BICDL1: variants seen among roughly 807,000 people sequenced by gnomAD.
BICDL1 encodes the protein BICD family-like cargo adapter 1.
A neutral mutation model predicts 76.8 loss-of-function variants in BICDL1; 20 were observed. The observed-to-expected ratio is 0.26, with a 90% CI of 0.18 to 0.38. The LOEUF is 0.38. Ranked by LOEUF, BICDL1 falls within the 10% of genes least tolerant of loss-of-function variation. BICDL1 has a pLI of 1.00. For missense variants in BICDL1, 700 were observed against 798.6 expected, an observed-to-expected ratio of 0.88 and a Z score of 1.49; for synonymous variants, 383 against 337.1, an observed-to-expected ratio of 1.14 and a Z score of -1.49.
chr12:120,082,260 CT>C (rs148148001), intron 8 of BICDL1, among the ~76,000 whole-genome samples: 1 of 151,104 alleles, frequency 6.6e-6, no homozygotes. Flanking sequence ...TAAACTAGGT[CT>C]TTTTTTTTGA....
chr12:120,016,247 TC>T (rs747497649), intron 2 of BICDL1, among the ~76,000 whole-genome samples: 5 of 152,196 alleles, frequency 3.3e-5, no homozygotes, highest in Non-Finnish European at 5.9e-5. Flanking sequence ...TTTTTAGTAT[TC>T]CATTGTGTGA....
chr12:120,000,861 T>C (rs576413186), intron 2 of BICDL1, among the ~76,000 whole-genome samples: 6 of 152,364 alleles, frequency 3.9e-5, no homozygotes, highest in East Asian at 1.9e-4. Context: ...AATGAGATAA[T>C]GTGTTTATGT....
chr12:120,052,211 G>A (rs1444735361), intron 2 of BICDL1, among the ~76,000 whole-genome samples: 2 of 151,738 alleles, frequency 1.3e-5, no homozygotes, highest in Admixed American at 1.3e-4. Context: ...CAAAGTGCTG[G>A]GATTACAGGC....
At chr12:120,027,758 A>C (rs1952337965) in intron 2 of BICDL1, among the ~76,000 whole-genome samples, 1 of 152,236 alleles carries the variant, frequency 6.6e-6, no homozygotes, top group Non-Finnish European at 1.5e-5. Context: ...GGTATAGTGT[A>C]GTAAGCATCC....
chr12:120,080,732 C>A, intron 7 of BICDL1, 155 bp from the exon 8 acceptor site: 4 of 648,788 alleles, frequency 6.2e-6, no homozygotes, highest in Non-Finnish European at 1.0e-5. Context: ...GAGAGACAGG[C>A]CCTCTCTTGA....
rs910699710 is a variant in BICDL1, at chr12:120,093,723, C to G, written c.*562C>G. The G allele has an allele frequency of 1.2e-5, 2 of 172,162 alleles. No homozygotes were observed. The highest frequency in any genetic ancestry group is 4.8e-5 in the African/African-American group (2 of 41,648). 10.7% of individuals were successfully genotyped at this position (172,162 alleles called of 1,614,324 possible). A position where few individuals can be genotyped will look rare whatever the true frequency, so the allele number is the denominator to read the frequency against. On this transcript the variant is annotated 3_prime_UTR_variant, in exon 10 of 10. Transcript: ENST00000548673. ...CACCTCAGCTGGCAGGAGGCCAAGC[C>G]TCTGGCCGCAGGGTCTAAGAGCCGG...
chr12:120,083,164 G>A (rs1039804783), intron 8 of BICDL1, among the ~76,000 whole-genome samples: 3 of 152,110 alleles, frequency 2.0e-5, no homozygotes, highest in Non-Finnish European at 4.4e-5. Context: ...TGCCCAGCCT[G>A]GCCACATTTT....
At position 120,086,522 on chromosome 12, in the gene BICDL1, C is replaced by G. The variant is rs1427873704; in HGVS notation, c.1584-3429C>G. The stretch of plus-strand genomic sequence containing the variant: ...TTGGGTGGGGCCCACTTCTTTCCCC[C>G]TTGATTTTAATGTGTAGTCAGGGGT... On this transcript the variant is annotated intron_variant, in intron 8 of 9. Transcript: ENST00000548673. Among the ~76,000 whole-genome samples the G allele has an allele frequency of 5.3e-5, 8 of 152,230 alleles. No individual in the cohort carries two copies. The South Asian group carries it at 1.7e-3, about 32-fold the overall frequency.
intron 2 of BICDL1, among the ~76,000 whole-genome samples, chr12:119,999,324 C>T (rs1015151015): frequency 1.1e-4 from 17 of 152,058 alleles, no homozygotes; most frequent in Non-Finnish European, 2.2e-4. Flanking sequence ...TGACTTCTGA[C>T]GTTTTTATAG....
At chr12:120,028,412 C>T (rs1237161100) in intron 2 of BICDL1, among the ~76,000 whole-genome samples, 1 of 151,636 alleles carries the variant, frequency 6.6e-6, no homozygotes. Context: ...TGGTGGCTCA[C>T]GCCTGTACTC....
intron 8 of BICDL1, among the ~76,000 whole-genome samples, chr12:120,086,496 G>A (rs1464676363): frequency 6.6e-6 from 1 of 152,164 alleles, no homozygotes; most frequent in Admixed American, 6.5e-5. Context: ...GGTGGGGTCA[G>A]TTGGGTGGGG....
At chr12:120,072,754 C>T (rs2138949636) in intron 6 of BICDL1, 25 bp downstream of exon 6, 2 of 1,598,568 alleles carry the variant, frequency 1.3e-6, no homozygotes, top group African/African-American at 2.7e-5. Context: ...TGAGATGGTC[C>T]TTACCCCACA....
intron 8 of BICDL1, among the ~76,000 whole-genome samples, chr12:120,087,020 A>G (rs924172108): frequency 6.6e-6 from 1 of 152,188 alleles, no homozygotes; most frequent in Non-Finnish European, 1.5e-5. Flanking sequence ...CCTCGCCGGC[A>G]ACGTTAGTCA....
chr12:120,071,807 G>C lies in BICDL1; in HGVS notation c.1089+6G>C, dbSNP rs1046600500. ...TGGAGCAGGAGCGAGAGCAGGTGCT[G>C]ACCTGCCTGTCACCCCACAGGCGAG... On this transcript the variant is annotated splice_donor_region_variant and intron_variant, in intron 5 of 9. Coordinates refer to ENST00000548673, the MANE Select transcript of BICDL1 (RefSeq NM_001367886.1). The surrounding 1 kb of genome is among the most constrained non-coding windows in gnomAD (Gnocchi z 4.8). 1 of 1,596,760 alleles carries C rather than the reference G, an allele frequency of 6.3e-7. No homozygotes were observed. Among genetic ancestry groups the C allele is most frequent in the Non-Finnish European group, 8.5e-7 (1 of 1,172,460 alleles).
intron 2 of BICDL1, among the ~76,000 whole-genome samples, chr12:120,059,392 C>T (rs1262838209): frequency 6.6e-6 from 1 of 152,228 alleles, no homozygotes; most frequent in Non-Finnish European, 1.5e-5. Context: ...TCTCCTGCCT[C>T]AGCCTCCCGA....
At chr12:120,068,939 G>A (rs1872873854) in intron 4 of BICDL1, among the ~76,000 whole-genome samples, 1 of 152,186 alleles carries the variant, frequency 6.6e-6, no homozygotes, top group Admixed American at 6.5e-5. Flanking sequence ...GGTAGAGGGG[G>A]TGAAGTAGCA....
intron 2 of BICDL1, among the ~76,000 whole-genome samples, 189 bp from the exon 3 acceptor site, chr12:120,061,521 G>A (rs1280643456): frequency 2.6e-5 from 4 of 151,922 alleles, no homozygotes; most frequent in Non-Finnish European, 4.4e-5. Context: ...GGTCATTAAT[G>A]GTAGAGGTGG....
chr12:120,064,253 C>T (rs1417195487), intron 3 of BICDL1, among the ~76,000 whole-genome samples: 4 of 152,076 alleles, frequency 2.6e-5, no homozygotes, highest in East Asian at 3.9e-4. Context: ...GGGCCAGGAG[C>T]GGGGAAAGGA....
intron 7 of BICDL1, among the ~76,000 whole-genome samples, chr12:120,078,161 A>G (rs572788419): frequency 6.6e-6 from 1 of 151,846 alleles, no homozygotes; most frequent in East Asian, 1.9e-4. Flanking sequence ...TCCTCCTGAA[A>G]CCCTCTTGAT....
Sources: gnomAD v4.1 joint callset for allele counts (sites outside exome capture counted in the v4.1 genomes callset) on GRCh38, gnomAD v4.1.1 for gene constraint, Gnocchi (gnomAD v3.1) non-coding constraint, MANE v1.5 for transcripts, NCBI Gene and HGNC (gene_info 2026-07-23, HGNC 2026-07-21) for gene names.